ZNF556: variants seen among roughly 807,000 people sequenced by gnomAD.
ZNF556 encodes zinc finger protein 556.
In ZNF556, 11 loss-of-function variants were observed where a neutral mutation model predicts 13.6. The ratio of observed to expected loss-of-function variants is 0.81; its 90% CI spans 0.51 to 1.33. ZNF556 has a LOEUF of 1.33. Among genes scored for constraint, ZNF556 ranks in the 40% most tolerant of loss-of-function variants. ZNF556 has a pLI of 0.00. For missense variants in ZNF556, 633 were observed against 566.2 expected (o/e 1.12, Z -1.20); for synonymous variants, 229 against 207.8 (o/e 1.10, Z -0.88).
rs755425238 is a variant in ZNF556, at chr19:2,877,635, C to T, written c.677C>T (p.Thr226Ile). 1.5e-5 allele frequency: 25 copies of T among 1,614,112 alleles called. No homozygotes were observed. The highest frequency in any genetic ancestry group is 2.1e-5 in the Non-Finnish European group (25 of 1,180,054). ...HSLTEHVRTHTGEKPYECGQC... is the reference protein window; with the variant it reads ...HSLTEHVRTHIGEKPYECGQC... ...CTCACTGAACATGTAAGGACTCACACTGGAGAGAAACCCTACGAATGTGGG... is the reference window on the plus strand; with the variant it reads ...CTCACTGAACATGTAAGGACTCACATTGGAGAGAAACCCTACGAATGTGGG... The change falls in exon 4 of 4, where the codon ACT becomes ATT. Residue 226 changes from threonine (T) to isoleucine (I), a missense_variant. Thr to Ile is a moderately conservative substitution (Grantham distance 89). Coordinates refer to ENST00000307635, the MANE Select transcript of ZNF556 (RefSeq NM_024967.3).
rs2087860688 is a variant in ZNF556 at position 2,877,310 on chromosome 19, A to G, written c.352A>G (p.Lys118Glu). 2 of 1,613,986 alleles carry G rather than the reference A, an allele frequency of 1.2e-6. No homozygotes were observed. The highest frequency in any genetic ancestry group is 1.7e-6 in the Non-Finnish European group (2 of 1,179,864). Residue 118 changes from lysine to glutamate, a missense_variant, in exon 4 of 4, where the codon AAA (lysine) becomes GAA (glutamate). Lys to Glu is a moderately conservative substitution (Grantham distance 56). Coordinates refer to ENST00000307635, the MANE Select transcript of ZNF556 (RefSeq NM_024967.3). The stretch of plus-strand genomic sequence containing the variant: ...GGTGGAGAGACCATGTAAAAGCAGT[A>G]AAGGTAATAAACGTGGAAGAACCTT... ...PRVERPCKSS[K>E]GNKRGRTFRK...
Position 2,878,149 on chromosome 19 carries a change from T to G in ZNF556, c.1191T>G (p.Pro397=). The G allele has an allele frequency of 6.2e-7, 1 of 1,614,118 alleles. No individual in the cohort carries two copies. Among genetic ancestry groups the G allele is most frequent in the Non-Finnish European group, 8.5e-7 (1 of 1,180,012 alleles). The stretch of plus-strand genomic sequence containing the variant: ...AGAGAAAGCACACTGGGGAGAAACC[T>G]GTAAATGCAGCCAGTGTGGGAAAAC... ...KHERKHTGEK[P]VNAASVGKPS... The change falls in exon 4 of 4, where the codon CCT becomes CCG. Residue 397 remains proline (P), a synonymous_variant. Coordinates refer to ENST00000307635, the MANE Select transcript of ZNF556 (RefSeq NM_024967.3).
Position 2,867,712 on chromosome 19 carries a change from C to CAAAAAAAAA in ZNF556, c.3+294_3+295insAAAAAAAAA, listed in dbSNP as rs377752421. On this transcript the variant is annotated intron_variant, in intron 1 of 3. Coordinates refer to ENST00000307635, the MANE Select transcript of ZNF556 (RefSeq NM_024967.3). ...TTGGAAGAAAAACTAACCCAAAGTA[C>CAAAAAAAAA]AAAAAACAAAACAAAAAAAAAAAAA... is the stretch of plus-strand genomic sequence containing the variant. 3.3e-4 allele frequency among the ~76,000 whole-genome samples: 28 copies of CAAAAAAAAA among 85,398 alleles called. 2 individuals are homozygous for CAAAAAAAAA. Among genetic ancestry groups the CAAAAAAAAA allele is most frequent in the Admixed American group, 4.9e-4 (4 of 8,226 alleles). 56.0% of individuals were successfully genotyped at this position (85,398 alleles called of 152,430 possible).
rs891759135 is a variant in ZNF556 at position 2,878,473 on chromosome 19, A to G, written c.*144A>G. 3.6e-5 allele frequency: 26 copies of G among 719,910 alleles called. No individual in the cohort carries two copies. The African/African-American group carries it at 4.7e-4, about 13-fold the overall frequency. The allele number at this position is 719,910 out of a possible 1,614,324, so 44.6% of individuals were successfully genotyped here. A position where few individuals can be genotyped will look rare whatever the true frequency, so the allele number is the denominator to read the frequency against. On this transcript the variant is annotated 3_prime_UTR_variant, in exon 4 of 4. Transcript: ENST00000307635. The stretch of plus-strand genomic sequence containing the variant: ...ATCACGAGGTCAGGAGATCAAGACC[A>G]TCCTGGCTATGGTGAAACCCCGTCT...
chr19:2,877,945 C>G lies in ZNF556; in HGVS notation c.987C>G (p.Ser329=), dbSNP rs575727473. The change falls in exon 4 of 4, where the codon TCC becomes TCG. Residue 329 remains serine, a synonymous_variant. Transcript: ENST00000307635. ...KCGKAFGWPS[S]LHKHARTHAK... ...GGAAAGCATTCGGTTGGCCCTCATC[C>G]TTACACAAACACGCGAGAACGCATG... The G allele has an allele frequency of 6.2e-7, 1 of 1,614,200 alleles. No individual in the cohort carries two copies. Among genetic ancestry groups the G allele is most frequent in the South Asian group, 1.1e-5 (1 of 91,090 alleles).
At chr19:2,871,440 C>T (rs911893269) in intron 1 of ZNF556, among the ~76,000 whole-genome samples, 2 of 152,182 alleles carry the variant, frequency 1.3e-5, no homozygotes, top group African/African-American at 4.8e-5. Context: ...AGTGAACCAA[C>T]TTTCCATTGT....
At chr19:2,867,715 AAAACAAAAC>A (rs1369356249) in intron 1 of ZNF556, among the ~76,000 whole-genome samples, 1 of 143,304 alleles carries the variant, frequency 7.0e-6, no homozygotes, top group Non-Finnish European at 1.5e-5. Context: ...CAAAGTACAA[AAAACAAAAC>A]AAAAAAAAAA....
rs2087764168 is a variant in ZNF556, at chr19:2,867,367, T to G, written c.-55T>G. 2.6e-6 allele frequency: 4 copies of G among 1,565,652 alleles called. No homozygotes were observed. The highest frequency in any genetic ancestry group is 2.6e-6 in the Non-Finnish European group (3 of 1,154,568). ...CACAGGTGTCCCCGTCGTGCTCACC[T>G]GCACCGGCTGCGAGGAGCAGGGAGC... On this transcript the variant is annotated 5_prime_UTR_variant, in exon 1 of 4. Transcript: ENST00000307635.
Position 2,878,195 on chromosome 19 carries a change from T to A in ZNF556, c.1237T>A (p.Ser413Thr), listed in dbSNP as rs775708827. The change falls in exon 4 of 4, where the codon TCC becomes ACC. Residue 413 changes from serine to threonine, a missense_variant. Ser to Thr is a moderately conservative substitution (Grantham distance 58, BLOSUM62 1). Transcript: ENST00000307635. ...VGKPSGGLCS[S>T]KNVRTQIGQK... ...AAAACCTTCAGGCGGGCTTTGCTCT[T>A]CCAAAAATGTAAGAACGCAGATTGG... 5.0e-6 allele frequency: 8 copies of A among 1,614,008 alleles called. No individual in the cohort carries two copies. The African/African-American group carries it at 9.3e-5, about 19-fold the overall frequency.
chr19:2,867,508 G>A, intron 1 of ZNF556, 84 bp downstream of exon 1: 1 of 1,550,482 alleles, frequency 6.4e-7, no homozygotes, highest in Non-Finnish European at 8.7e-7. Context: ...GAAACTCCCG[G>A]GGGAGCCGCC....
rs1267533870 is a variant in ZNF556, at chr19:2,880,950, C to CG, written c.*2621_*2622insG. The CG allele has an allele frequency of 6.7e-6, 1 of 148,876 alleles. No individual in the cohort carries two copies. Among genetic ancestry groups the CG allele is most frequent in the Admixed American group, 6.7e-5 (1 of 14,818 alleles). 9.2% of individuals were successfully genotyped at this position (148,876 alleles called of 1,614,324 possible). On this transcript the variant is annotated 3_prime_UTR_variant, in exon 4 of 4. Transcript: ENST00000307635. The stretch of plus-strand genomic sequence containing the variant: ...GTGCCGTGATCTTGGCTCACTGCAA[C>CG]CCCCCCGCCAAGGTTCAAGTGATTC...
chr19:2,877,734 A>T lies in ZNF556; in HGVS notation c.776A>T (p.Tyr259Phe), dbSNP rs1289134520. ...HVMMHAGGRP[Y>F]ECKHCGKAFR... Reference sequence around the variant, plus strand: ...ATGATGCACGCCGGAGGGAGACCGTATGAGTGCAAGCACTGTGGGAAAGCC... The same window carrying T: ...ATGATGCACGCCGGAGGGAGACCGTTTGAGTGCAAGCACTGTGGGAAAGCC... The change falls in exon 4 of 4, where the codon TAT (tyrosine) becomes TTT (phenylalanine). Residue 259 changes from tyrosine (Y) to phenylalanine (F), a missense_variant. By Grantham distance (22) the Tyr-to-Phe change is conservative (BLOSUM62 3). Coordinates refer to ENST00000307635, the MANE Select transcript of ZNF556 (RefSeq NM_024967.3). 1 of 1,613,510 alleles carries T rather than the reference A, an allele frequency of 6.2e-7. No homozygotes were observed. Among genetic ancestry groups the T allele is most frequent in the African/African-American group, 1.3e-5 (1 of 75,048 alleles).
At chr19:2,873,219 A>T (rs2087820004) in intron 1 of ZNF556, among the ~76,000 whole-genome samples, 2 of 152,180 alleles carry the variant, frequency 1.3e-5, no homozygotes, top group African/African-American at 2.4e-5. Context: ...CTGGTAACAG[A>T]TGTGTTAATT....
At position 2,881,178 on chromosome 19, in the gene ZNF556, G is replaced by C. The variant is rs2087902342; in HGVS notation, c.*2849G>C. 1 of 151,884 alleles carries C rather than the reference G, an allele frequency of 6.6e-6. No homozygotes were observed. Among genetic ancestry groups the C allele is most frequent in the East Asian group, 1.9e-4 (1 of 5,174 alleles). The allele number at this position is 151,884 out of a possible 1,614,324, so 9.4% of individuals were successfully genotyped here. On this transcript the variant is annotated 3_prime_UTR_variant, in exon 4 of 4. Transcript: ENST00000307635. The stretch of plus-strand genomic sequence containing the variant: ...ACCGCGCCCAGCCTAATAAATTCTT[G>C]TTTATTCATAATGACAAAAACTTAC...
At chr19:2,873,373 TGA>T (rs1253115751) in intron 1 of ZNF556, 121 bp from the exon 2 acceptor site, 1 of 1,187,492 alleles carries the variant, frequency 8.4e-7, no homozygotes. Context: ...GTCTGAGGAC[TGA>T]GTCTTAAATA....
At position 2,878,575 on chromosome 19, in the gene ZNF556, C is replaced by T. The variant is rs1298315781; in HGVS notation, c.*246C>T. ...CCTGTAGTCCCAGCTGCTCAGGAGG[C>T]TGAGGCAGGAGAACGGCGTGAACCC... On this transcript the variant is annotated 3_prime_UTR_variant, in exon 4 of 4. Transcript: ENST00000307635. The T allele has an allele frequency of 3.0e-6, 1 of 336,172 alleles. No individual in the cohort carries two copies. Among genetic ancestry groups the T allele is most frequent in the Non-Finnish European group, 5.5e-6 (1 of 181,318 alleles). 20.8% of individuals were successfully genotyped at this position (336,172 alleles called of 1,614,324 possible).
intron 2 of ZNF556, chr19:2,874,911 T>A (rs1297752434): frequency 7.1e-6 from 1 of 141,502 alleles, no homozygotes; most frequent in African/African-American, 3.0e-5. Flanking sequence ...TGACTGCTTG[T>A]ACTTTTTTTT....
chr19:2,868,813 G>A (rs1222688617), intron 1 of ZNF556, among the ~76,000 whole-genome samples: 1 of 151,234 alleles, frequency 6.6e-6, no homozygotes. Flanking sequence ...CCGCCTCCTG[G>A]GTTCAAGCGA....
chr19:2,878,196 C>T lies in ZNF556; in HGVS notation c.1238C>T (p.Ser413Phe), dbSNP rs1220169077. The T allele has an allele frequency of 6.2e-7, 1 of 1,614,094 alleles. No individual in the cohort carries two copies. The highest frequency in any genetic ancestry group is 8.5e-7 in the Non-Finnish European group (1 of 1,180,030). The change falls in exon 4 of 4, where the codon TCC becomes TTC. Residue 413 changes from serine to phenylalanine, a missense_variant. Coordinates refer to ENST00000307635, the MANE Select transcript of ZNF556 (RefSeq NM_024967.3). The stretch of plus-strand genomic sequence containing the variant: ...AAACCTTCAGGCGGGCTTTGCTCTT[C>T]CAAAAATGTAAGAACGCAGATTGGA... Reference protein sequence around the residue: ...VGKPSGGLCSSKNVRTQIGQK... With the variant: ...VGKPSGGLCSFKNVRTQIGQK...
Sources: gnomAD v4.1 joint callset for allele counts (sites outside exome capture counted in the v4.1 genomes callset) on GRCh38, gnomAD v4.1.1 for gene constraint, MANE v1.5 for transcripts, NCBI Gene and HGNC (gene_info 2026-07-23, HGNC 2026-07-21) for gene names.